The following AK9 variants were observed in gnomAD, a reference collection of about 807,000 sequenced individuals.
The protein encoded by AK9 is adenylate kinase domain containing 1.
A neutral mutation model predicts 239.6 loss-of-function variants in AK9; 191 were observed. That is an observed-to-expected ratio of 0.80 (90% CI 0.71 to 0.90). The LOEUF is 0.90. Ranked by LOEUF, AK9 falls within the 40% of genes least tolerant of loss-of-function variation. AK9 has a pLI of 0.00. For synonymous variants in AK9, 689 were observed against 721.0 expected, an observed-to-expected ratio of 0.96 and a Z score of 0.71; for missense variants, 1,995 against 2,214.7, an observed-to-expected ratio of 0.90 and a Z score of 1.99.
intron 17 of AK9, among the ~76,000 whole-genome samples, chr6:109,595,386 C>T (rs879796120): frequency 6.6e-6 from 1 of 152,214 alleles, no homozygotes; most frequent in Non-Finnish European, 1.5e-5. Context: ...AGTAGGAACA[C>T]TTTTACACTG....
chr6:109,658,684 A>G (rs1375773335), intron 7 of AK9, among the ~76,000 whole-genome samples: 2 of 152,178 alleles, frequency 1.3e-5, no homozygotes, highest in Non-Finnish European at 2.9e-5. Flanking sequence ...TAAATATATT[A>G]TTCAAATGAC....
At chr6:109,497,270 C>T (rs1180498691) in intron 38 of AK9, among the ~76,000 whole-genome samples, 195 bp downstream of exon 38, 1 of 151,518 alleles carries the variant, frequency 6.6e-6, no homozygotes, top group Non-Finnish European at 1.5e-5. Flanking sequence ...TGTTACCAGG[C>T]ACTCAAAATC....
chr6:109,677,739 A>T (rs1771975210), intron 1 of AK9, among the ~76,000 whole-genome samples: 1 of 152,216 alleles, frequency 6.6e-6, no homozygotes, highest in Admixed American at 6.5e-5. Context: ...AAATATCATG[A>T]TCCAATTGGA....
chr6:109,573,417 G>C (rs1306901486), intron 21 of AK9, 25 bp downstream of exon 21: 2 of 1,531,976 alleles, frequency 1.3e-6, no homozygotes, highest in East Asian at 4.9e-5. Flanking sequence ...GTAGAATTAA[G>C]AACTTGCTAT....
chr6:109,513,967 C>T (rs1779007555), intron 32 of AK9, among the ~76,000 whole-genome samples: 1 of 152,318 alleles, frequency 6.6e-6, no homozygotes, highest in Non-Finnish European at 1.5e-5. Context: ...TGTCCCATGA[C>T]TTCACCCTGC....
chr6:109,593,387 A>T (rs1439463114), intron 17 of AK9, among the ~76,000 whole-genome samples: 1 of 152,094 alleles, frequency 6.6e-6, no homozygotes, highest in East Asian at 1.9e-4. Flanking sequence ...CTACCAACCA[A>T]AAAAAGCCCA....
intron 35 of AK9, among the ~76,000 whole-genome samples, chr6:109,505,796 C>T (rs1778056602): frequency 6.6e-6 from 1 of 152,142 alleles, no homozygotes; most frequent in Admixed American, 6.5e-5. Context: ...AACAAACATG[C>T]CCACGTCATA....
intron 35 of AK9, among the ~76,000 whole-genome samples, chr6:109,504,753 G>A (rs1017044621): frequency 5.9e-5 from 9 of 152,192 alleles, no homozygotes; most frequent in Non-Finnish European, 1.3e-4. Flanking sequence ...AGGTTGCAGT[G>A]AGCAGAGATC....
chr6:109,605,516 C>T (rs1792727798), intron 17 of AK9, among the ~76,000 whole-genome samples: 1 of 151,912 alleles, frequency 6.6e-6, no homozygotes, highest in African/African-American at 2.4e-5. Flanking sequence ...TGTGGCAGAG[C>T]TGAATGCATT....
chr6:109,649,798 C>T (rs1798643724), intron 8 of AK9, among the ~76,000 whole-genome samples: 1 of 152,194 alleles, frequency 6.6e-6, no homozygotes, highest in African/African-American at 2.4e-5. Flanking sequence ...GCCAAAAGAA[C>T]AAAGCTGGAG....
rs113565936 is a variant in AK9 at position 109,519,967 on chromosome 6, C to G, written c.3634-3325G>C. On this transcript the variant is annotated intron_variant, in intron 29 of 40. Transcript: ENST00000424296. ...TGGGGTTATTTGGTTTTTGCTTGTT[C>G]AATTGTTTAAGTTCCTTATAGATTT... Among the ~76,000 whole-genome samples, 1,208 of 152,192 alleles carry G rather than the reference C, an allele frequency of 7.9e-3. 25 individuals are homozygous for G. The highest frequency in any genetic ancestry group is 0.026 in the African/African-American group (1,070 of 41,534).
chr6:109,614,369 C>T lies in AK9; in HGVS notation c.1495+16G>A. ...GGGATGATTTGGTCAATAACATCAG[C>T]AATATATTTCTTTACCTTCTTCATC... On this transcript the variant is annotated intron_variant, in intron 14 of 40. Transcript: ENST00000424296. The T allele has an allele frequency of 1.3e-6, 2 of 1,549,294 alleles. No homozygotes were observed. Among genetic ancestry groups the T allele is most frequent in the Non-Finnish European group, 1.7e-6 (2 of 1,144,994 alleles).
chr6:109,632,948 A>G lies in AK9; in HGVS notation c.1229T>C (p.Met410Thr). The change falls in exon 12 of 41, where the codon ATG becomes ACG. Residue 410 changes from methionine (M) to threonine (T), a missense_variant. Transcript: ENST00000424296. Reference protein sequence around the residue: ...QYSGKTTLCNMLAENYKGKVV... With the variant: ...QYSGKTTLCNTLAENYKGKVV... ...CTTTCCTTTGTAATTTTCTGCAAGC[A>G]TATTGCAAAGTGTTGTTTTCCCTGA... is the stretch of plus-strand genomic sequence containing the variant. The G allele has an allele frequency of 6.2e-7, 1 of 1,613,562 alleles. No individual in the cohort carries two copies. Among genetic ancestry groups the G allele is most frequent in the East Asian group, 2.2e-5 (1 of 44,840 alleles).
intron 35 of AK9, among the ~76,000 whole-genome samples, chr6:109,506,077 C>A (rs571798682): frequency 6.6e-6 from 1 of 152,238 alleles, no homozygotes; most frequent in African/African-American, 2.4e-5. Flanking sequence ...TTCCTAAAGG[C>A]CCCACCTCTT....
At chr6:109,644,286 T>TA (rs1797774622) in intron 9 of AK9, among the ~76,000 whole-genome samples, 2 of 152,248 alleles carry the variant, frequency 1.3e-5, no homozygotes, top group Admixed American at 1.3e-4. Context: ...TCCTAGAAGG[T>TA]AAAAGGGGGT....
chr6:109,663,970 CAACAG>C (rs1800814458), intron 5 of AK9, among the ~76,000 whole-genome samples: 1 of 152,140 alleles, frequency 6.6e-6, no homozygotes, highest in South Asian at 2.1e-4. Flanking sequence ...CAATATATTG[CAACAG>C]ATTGAGCAGA....
chr6:109,649,329 A>C (rs1798567799), intron 8 of AK9, among the ~76,000 whole-genome samples: 1 of 151,868 alleles, frequency 6.6e-6, no homozygotes, highest in African/African-American at 2.4e-5. Flanking sequence ...ACATGATTGC[A>C]TATCTAGAAA....
chr6:109,577,126 G>A lies in AK9; in HGVS notation c.2191+2424C>T, dbSNP rs151020429. The stretch of plus-strand genomic sequence containing the variant: ...ATTACAGGTGTGAGCCACTGTGCCC[G>A]GCCATAGATGGCTTTTATTACCTTG... On this transcript the variant is annotated intron_variant, in intron 20 of 40. Transcript: ENST00000424296. 4.0e-3 allele frequency among the ~76,000 whole-genome samples: 601 copies of A among 152,088 alleles called. 2 individuals are homozygous for A. Among genetic ancestry groups the A allele is most frequent in the African/African-American group, 0.012 (514 of 41,520 alleles).
chr6:109,565,488 T>TAAAAC (rs1286599519), intron 21 of AK9, among the ~76,000 whole-genome samples: 1 of 101,802 alleles, frequency 9.8e-6, no homozygotes, highest in Non-Finnish European at 2.4e-5. Context: ...AAAAAAAATT[T>TAAAAC]TTTTTCAAGA....
Sources: gnomAD v4.1 joint callset for allele counts (sites outside exome capture counted in the v4.1 genomes callset) on GRCh38, gnomAD v4.1.1 for gene constraint, MANE v1.5 for transcripts, NCBI Gene and HGNC (gene_info 2026-07-23, HGNC 2026-07-21) for gene names.